The following EPC1 variants were observed in gnomAD, a reference collection of about 807,000 sequenced individuals.
EPC1 encodes the protein enhancer of polycomb homolog 1.
EPC1 carries 12 observed loss-of-function variants against 98.4 expected under a neutral mutation model. The observed-to-expected ratio is 0.12, with a 90% confidence interval of 0.08 to 0.20. The LOEUF (loss-of-function observed/expected upper bound fraction) is 0.20. Among genes scored for constraint, EPC1 ranks in the 10% least tolerant of loss-of-function variants. EPC1 has a pLI of 1.00. For missense variants in EPC1, 729 were observed against 990.5 expected (o/e 0.74, Z 3.54); for synonymous variants, 357 against 363.9 (o/e 0.98, Z 0.21).
At chr10:32,335,708 A>G (rs950132) in intron 1 of EPC1, among the ~76,000 whole-genome samples, 18,981 of 152,176 alleles carry the variant, frequency 0.12, 1,223 homozygotes, top group Admixed American at 0.14. Context: ...TTCTGGCATC[A>G]TTTTTAATGA....
chr10:32,356,897 C>T (rs972866735), intron 1 of EPC1, among the ~76,000 whole-genome samples: 1 of 152,132 alleles, frequency 6.6e-6, no homozygotes, highest in Admixed American at 6.5e-5. Flanking sequence ...AGGAGAATGG[C>T]GTGAACCCGG....
At position 32,284,701 on chromosome 10, in the gene EPC1, A is replaced by C; in HGVS notation, c.1741T>G (p.Phe581Val). The C allele has an allele frequency of 6.2e-7, 1 of 1,607,174 alleles. No homozygotes were observed. The highest frequency in any genetic ancestry group is 1.1e-5 in the South Asian group (1 of 90,540). Residue 581 changes from phenylalanine (F) to valine (V), a missense_variant, in exon 10 of 14, where the codon TTT becomes GTT. Coordinates refer to ENST00000319778, the MANE Select transcript of EPC1 (RefSeq NM_001272004.3). ...ACATCATTAACAGTCAACATACCAA[A>C]GTGTGCTGAACCACTGCTACTTTTA... ...QSKSSSGSAH[F>V]AFTAEQYQQH...
At chr10:32,330,247 A>G (rs1269068893) in intron 1 of EPC1, among the ~76,000 whole-genome samples, 1 of 152,188 alleles carries the variant, frequency 6.6e-6, no homozygotes, top group Non-Finnish European at 1.5e-5. Flanking sequence ...TAGGCAAGAG[A>G]TGGCAATACC....
intron 2 of EPC1, among the ~76,000 whole-genome samples, chr10:32,294,862 T>C (rs1008010382): frequency 6.6e-6 from 1 of 152,208 alleles, no homozygotes; most frequent in African/African-American, 2.4e-5. Context: ...TTATCAGTTC[T>C]TTATGATCTA....
intron 1 of EPC1, among the ~76,000 whole-genome samples, chr10:32,344,122 C>A (rs1306931031): frequency 6.6e-6 from 1 of 152,160 alleles, no homozygotes; most frequent in Non-Finnish European, 1.5e-5. Flanking sequence ...CAAAATACTT[C>A]CGCACATCAA....
chr10:32,297,377 G>A (rs1475660944), intron 2 of EPC1, among the ~76,000 whole-genome samples: 1 of 151,230 alleles, frequency 6.6e-6, no homozygotes, highest in African/African-American at 2.4e-5. Context: ...CGCCTCTCGG[G>A]TTCAAGCGAT....
intron 11 of EPC1, 82 bp from the exon 12 acceptor site, chr10:32,272,249 C>A: frequency 8.4e-7 from 1 of 1,184,356 alleles, no homozygotes; most frequent in Non-Finnish European, 1.2e-6. Flanking sequence ...ATACCAAAAT[C>A]AGTTTGAATA....
intron 1 of EPC1, among the ~76,000 whole-genome samples, chr10:32,325,764 C>T (rs1042344391): frequency 2.1e-5 from 3 of 142,348 alleles, no homozygotes; most frequent in Non-Finnish European, 3.0e-5. Flanking sequence ...CAAACTGTGG[C>T]AGACACTGCC....
At chr10:32,276,545 G>A (rs1836107875) in intron 10 of EPC1, among the ~76,000 whole-genome samples, 1 of 152,152 alleles carries the variant, frequency 6.6e-6, no homozygotes, top group African/African-American at 2.4e-5. Context: ...AAATGAGAAT[G>A]AGATTAAATT....
intron 1 of EPC1, among the ~76,000 whole-genome samples, chr10:32,338,296 T>C (rs982788071): frequency 2.6e-5 from 4 of 152,214 alleles, no homozygotes. Context: ...CTGTTGGTTC[T>C]GGCTCCTCAA....
At chr10:32,347,227 G>T, upstream of EPC1, 2 of 1,223,024 alleles carry the variant, frequency 1.6e-6, no homozygotes, top group Non-Finnish European at 2.0e-6. Flanking sequence ...GCGGGCGGGG[G>T]GAGGGAGCGC....
chr10:32,329,739 G>C (rs1837527902), intron 1 of EPC1, among the ~76,000 whole-genome samples: 1 of 152,118 alleles, frequency 6.6e-6, no homozygotes. Context: ...AAATTACAGA[G>C]GCATTAAGCT....
chr10:32,274,852 C>T (rs1305477220), intron 10 of EPC1, among the ~76,000 whole-genome samples: 1 of 151,832 alleles, frequency 6.6e-6, no homozygotes, highest in African/African-American at 2.4e-5. Flanking sequence ...TCAATGCTGC[C>T]CTCAAATAAT....
intron 1 of EPC1, among the ~76,000 whole-genome samples, chr10:32,309,921 G>A (rs979166195): frequency 2.0e-5 from 3 of 149,004 alleles, no homozygotes; most frequent in African/African-American, 7.4e-5. Flanking sequence ...TTGGCCAGGT[G>A]TGGTGGCTGA....
upstream of EPC1, among the ~76,000 whole-genome samples, chr10:32,349,378 C>A (rs1049045917): frequency 6.6e-6 from 1 of 152,128 alleles, no homozygotes; most frequent in South Asian, 2.1e-4. Flanking sequence ...TCTAAAATCA[C>A]CCTCCGTGGC....
chr10:32,304,918 TAAAAAA>T (rs11351207), intron 2 of EPC1, among the ~76,000 whole-genome samples: 2 of 119,448 alleles, frequency 1.7e-5, no homozygotes, highest in Admixed American at 1.7e-4. Flanking sequence ...AACTCCGTCT[TAAAAAA>T]AAAAAAAAAA....
intron 6 of EPC1, among the ~76,000 whole-genome samples, chr10:32,288,778 G>T (rs1836836411): frequency 6.6e-6 from 1 of 152,066 alleles, no homozygotes; most frequent in Non-Finnish European, 1.5e-5. Flanking sequence ...CTCAGAGGGG[G>T]GGACCACATT....
chr10:32,362,863 C>T (rs1039090949), intron 1 of EPC1, among the ~76,000 whole-genome samples: 2 of 152,134 alleles, frequency 1.3e-5, no homozygotes, highest in African/African-American at 4.8e-5. Flanking sequence ...AGAAGTGAAG[C>T]AGTACCCTTA....
intron 1 of EPC1, among the ~76,000 whole-genome samples, chr10:32,355,471 T>A (rs1446920421): frequency 6.6e-6 from 1 of 152,180 alleles, no homozygotes; most frequent in African/African-American, 2.4e-5. Context: ...CTGGATTACG[T>A]TAAATTACTG....
Sources: gnomAD v4.1 joint callset for allele counts (sites outside exome capture counted in the v4.1 genomes callset) on GRCh38, gnomAD v4.1.1 for gene constraint, MANE v1.5 for transcripts, NCBI Gene and HGNC (gene_info 2026-07-23, HGNC 2026-07-21) for gene names.